TONSL: variants seen among roughly 807,000 people sequenced by gnomAD.
TONSL encodes tonsoku-like protein.
In TONSL, 112 loss-of-function variants were observed where a neutral mutation model predicts 147.1. The ratio of observed to expected loss-of-function variants is 0.76; its 90% CI spans 0.65 to 0.89. The LOEUF (loss-of-function observed/expected upper bound fraction) is 0.89. Ranked by LOEUF, TONSL falls within the 40% of genes least tolerant of loss-of-function variation. The pLI is 0.00. For synonymous variants in TONSL, 868 were observed against 801.5 expected (o/e 1.08, Z -1.40); for missense variants, 1,883 against 1,864.6 (o/e 1.01, Z -0.18).
intron 22 of TONSL, 144 bp downstream of exon 22, chr8:144,433,444 A>G (rs1479221111): frequency 3.7e-6 from 3 of 800,528 alleles, no homozygotes; most frequent in Non-Finnish European, 6.0e-6. Context: ...TCTTGGCTCA[A>G]GCGATACTCC....
intron 4 of TONSL, 114 bp from the exon 5 acceptor site, chr8:144,442,920 G>T (rs1823775246): frequency 7.2e-7 from 1 of 1,392,108 alleles, no homozygotes; most frequent in East Asian, 2.5e-5. Flanking sequence ...TCCTCCCGAG[G>T]TGGGTGCAAG....
Position 144,440,948 on chromosome 8 carries a change from C to T in TONSL, c.1011+18G>A. 1 of 1,613,026 alleles carries T rather than the reference C, an allele frequency of 6.2e-7. No individual in the cohort carries two copies. ...AACCTCACTGGCCCTTCCCTCCCAC[C>T]CAGCCGGGGCCACACACCTGCTTCT... On this transcript the variant is annotated intron_variant, in intron 8 of 25. Transcript: ENST00000409379.
Position 144,442,840 on chromosome 8 carries a change from C to T in TONSL, c.449-34G>A, listed in dbSNP as rs773762845. ...TACCCCCCCAAACACTCAGCCACTT[C>T]CTCCCCACATGGGGTTTCCAGCTTT... On this transcript the variant is annotated intron_variant, in intron 4 of 25. Coordinates refer to ENST00000409379, the MANE Select transcript of TONSL (RefSeq NM_013432.5). The T allele has an allele frequency of 5.6e-6, 9 of 1,595,382 alleles. No individual in the cohort carries two copies. The East Asian group carries it at 2.0e-4, about 36-fold the overall frequency.
chr8:144,436,054 C>G lies in TONSL; in HGVS notation c.2379G>C (p.Gln793His), dbSNP rs1823441222. The G allele has an allele frequency of 6.4e-7, 1 of 1,574,222 alleles. No individual in the cohort carries two copies. ...CACTGCCCACACCCCGGATGGCTGC[C>G]TGGTAGGCTGCCCGGCTGGTGCTGG... ...ATASTSRAAY[Q>H]AAIRGVGSAQ... Residue 793 changes from glutamine (Q) to histidine (H), a missense_variant, in exon 17 of 26, where the codon CAG becomes CAC. By Grantham distance (24) the Gln-to-His change is conservative. Coordinates refer to ENST00000409379, the MANE Select transcript of TONSL (RefSeq NM_013432.5).
chr8:144,432,695 C>T, intron 22 of TONSL: 1 of 444,404 alleles, frequency 2.3e-6, no homozygotes, highest in Non-Finnish European at 4.0e-6. Context: ...CTCTCCCACC[C>T]CACAACCACA....
Position 144,435,668 on chromosome 8 carries a change from C to T in TONSL, c.2765G>A (p.Gly922Asp), listed in dbSNP as rs1367641128. The change falls in exon 17 of 26, where the codon GGC (glycine) becomes GAC (aspartate). Residue 922 changes from glycine to aspartate, a missense_variant. Coordinates refer to ENST00000409379, the MANE Select transcript of TONSL (RefSeq NM_013432.5). ...GGTCTGCATACCCACCAAGGGCTGGCCTGCCGCAGAGCTGTCCCCACTGGG... is the reference window on the plus strand; with the variant it reads ...GGTCTGCATACCCACCAAGGGCTGGTCTGCCGCAGAGCTGTCCCCACTGGG... ...SEPSGDSSAA[G>D]QPLGPAPPPP... 3 of 1,600,778 alleles carry T rather than the reference C, an allele frequency of 1.9e-6. No homozygotes were observed. Among genetic ancestry groups the T allele is most frequent in the Non-Finnish European group, 2.6e-6 (3 of 1,170,710 alleles).
rs368323898 is a variant in TONSL, at chr8:144,436,151, C to G, written c.2282G>C (p.Arg761Pro). 1.3e-6 allele frequency: 2 copies of G among 1,569,832 alleles called. No individual in the cohort carries two copies. Among genetic ancestry groups the G allele is most frequent in the South Asian group, 1.1e-5 (1 of 88,418 alleles). ...GPARPSQKRP[R>P]CSATAQRVAA... ...CACCCGTTGTGCTGTGGCCGAGCAC[C>G]GAGGCCTCTTCTGGGACGGCCGTGC... The change falls in exon 17 of 26, where the codon CGG (arginine) becomes CCG (proline). Residue 761 changes from arginine to proline, a missense_variant. Physicochemically the swap from Arg to Pro is moderately radical, Grantham distance 103. Coordinates refer to ENST00000409379, the MANE Select transcript of TONSL (RefSeq NM_013432.5).
chr8:144,434,700 A>C, intron 20 of TONSL, 111 bp downstream of exon 20: 19 of 1,160,286 alleles, frequency 1.6e-5, no homozygotes, highest in East Asian at 2.5e-5. Flanking sequence ...AGGCTGGGGG[A>C]GGTGCACCCC....
chr8:144,431,826 TTC>T, intron 23 of TONSL, among the ~76,000 whole-genome samples: 1 of 130,562 alleles, frequency 7.7e-6, no homozygotes, highest in Non-Finnish European at 1.6e-5. Context: ...TTTTTTCTTT[TTC>T]TTTCTTTTTT....
At chr8:144,441,976 C>T in intron 7 of TONSL, 61 bp downstream of exon 7, 1 of 1,498,476 alleles carries the variant, frequency 6.7e-7, no homozygotes, top group Non-Finnish European at 9.2e-7. Flanking sequence ...GGACTCCACC[C>T]CGCCCCCAGG....
chr8:144,444,323 C>A, intron 1 of TONSL, 48 bp from the exon 2 acceptor site: 1 of 1,332,408 alleles, frequency 7.5e-7, no homozygotes, highest in South Asian at 1.9e-5. Context: ...GGTCCGGGGC[C>A]GGGGCCGAGT....
At chr8:144,439,425 C>T (rs1444314711) in intron 11 of TONSL, among the ~76,000 whole-genome samples, 1 of 151,642 alleles carries the variant, frequency 6.6e-6, no homozygotes, top group African/African-American at 2.4e-5. Context: ...CTAACGACGC[C>T]CTCGAGTTCA....
rs779263249 is a variant in TONSL, at chr8:144,443,193, C to A, written c.393G>T (p.Leu131=). The change falls in exon 4 of 26, where the codon CTG becomes CTT. Residue 131 remains leucine (L), a synonymous_variant. Transcript: ENST00000409379. ...YDHCQSRDAL[L]QAQAAFEKSL... ...TCTTCTCAAAGGCAGCCTGTGCCTGCAGCAAAGCATCCCTCGACTGGCAGT... is the reference window on the plus strand; with the variant it reads ...TCTTCTCAAAGGCAGCCTGTGCCTGAAGCAAAGCATCCCTCGACTGGCAGT... 3.2e-6 allele frequency: 5 copies of A among 1,550,814 alleles called. No individual in the cohort carries two copies. The highest frequency in any genetic ancestry group is 4.4e-6 in the Non-Finnish European group (5 of 1,146,986).
At chr8:144,431,233 A>G in intron 23 of TONSL, 82 bp from the exon 24 acceptor site, 2 of 1,396,504 alleles carry the variant, frequency 1.4e-6, no homozygotes, top group East Asian at 4.6e-5. Flanking sequence ...CACCACACCC[A>G]GGGGCCCAGA....
In TONSL at chr8:144,442,131, G is replaced by C; in HGVS notation, c.771C>G (p.Asp257Glu). 1 of 1,612,352 alleles carries C rather than the reference G, an allele frequency of 6.2e-7. No individual in the cohort carries two copies. Among genetic ancestry groups the C allele is most frequent in the Non-Finnish European group, 8.5e-7 (1 of 1,179,668 alleles). Residue 257 changes from aspartate to glutamate, a missense_variant, in exon 7 of 26, where the codon GAC (aspartate) becomes GAG (glutamate). Coordinates refer to ENST00000409379, the MANE Select transcript of TONSL (RefSeq NM_013432.5). ...VIAQVLQDLG[D>E]FLAAKRALKK... ...TCAGGGCTCGCTTGGCAGCCAAAAA[G>C]TCTCCCAGGTCTTGGAGGACCTGGA...
intron 24 of TONSL, 46 bp downstream of exon 24, chr8:144,431,032 T>A (rs370373260): frequency 3.8e-6 from 6 of 1,586,280 alleles, no homozygotes; most frequent in Non-Finnish European, 5.2e-6. Flanking sequence ...TCCAGAGCCA[T>A]GAGATCAGAC....
In TONSL at chr8:144,429,154, G is replaced by C; in HGVS notation, c.4126C>G (p.Arg1376Gly). 1 of 1,530,322 alleles carries C rather than the reference G, an allele frequency of 6.5e-7. No individual in the cohort carries two copies. The highest frequency in any genetic ancestry group is 8.7e-7 in the Non-Finnish European group (1 of 1,143,828). 94.8% of individuals were successfully genotyped at this position (1,530,322 alleles called of 1,614,324 possible). A position where few individuals can be genotyped will look rare whatever the true frequency, so the allele number is the denominator to read the frequency against. Residue 1376 changes from arginine to glycine, a missense_variant, in exon 26 of 26, where the codon CGG becomes GGG. Coordinates refer to ENST00000409379, the MANE Select transcript of TONSL (RefSeq NM_013432.5). ...TLDHGSKLFF[R>G]RL ...AGGCAGCGCCAGGGTCAGAGGCGCCGAAAGAAGAGCTTGGAGCCGTGGTCC... is the reference window on the plus strand; with the variant it reads ...AGGCAGCGCCAGGGTCAGAGGCGCCCAAAGAAGAGCTTGGAGCCGTGGTCC...
chr8:144,442,247 A>G lies in TONSL; in HGVS notation c.744T>C (p.Ile248=), dbSNP rs538754642. Residue 248 remains isoleucine, a synonymous_variant, in exon 6 of 26, where the codon ATT becomes ATC. Coordinates refer to ENST00000409379, the MANE Select transcript of TONSL (RefSeq NM_013432.5). The part of the protein sequence containing the change: ...RFMESECCVV[I]AQVLQDLGDF... ...AGCCACGCACAGCGGGTACCTGTGC[A>G]ATAACCACGCAGCACTCGCTCTCCA... The G allele has an allele frequency of 6.3e-7, 1 of 1,589,024 alleles. No individual in the cohort carries two copies. The highest frequency in any genetic ancestry group is 1.1e-5 in the South Asian group (1 of 89,034).
chr8:144,431,035 G>T (rs1823166350), intron 24 of TONSL, 43 bp downstream of exon 24: 1 of 1,608,360 alleles, frequency 6.2e-7, no homozygotes, highest in South Asian at 1.1e-5. Flanking sequence ...AGAGCCATGA[G>T]ATCAGACCCC....
Sources: allele counts gnomAD v4.1 joint callset (sites outside exome capture counted in the v4.1 genomes callset), GRCh38; gene constraint gnomAD v4.1.1; transcripts MANE v1.5; gene names NCBI Gene and HGNC (gene_info 2026-07-23, HGNC 2026-07-21).